PLCE1: variants seen among roughly 807,000 people sequenced by gnomAD.
The protein encoded by PLCE1 is phospholipase C epsilon 1.
Under a neutral mutation model 242.8 loss-of-function variants are expected in PLCE1, and 119 were observed. That is an observed-to-expected ratio of 0.49 (90% confidence interval 0.42 to 0.57). The LOEUF is 0.57. Among genes scored for constraint, PLCE1 ranks in the 20% least tolerant of loss-of-function variants. PLCE1 has a pLI of 0.00. For synonymous variants in PLCE1, 945 were observed against 1,017.4 expected (o/e 0.93, Z 1.35); for missense variants, 2,441 against 2,788.8 (o/e 0.88, Z 2.81).
At chr10:94,069,613 AAAACAAACAAAC>A (rs555901072) in intron 2 of PLCE1, among the ~76,000 whole-genome samples, 1 of 152,036 alleles carries the variant, frequency 6.6e-6, no homozygotes, top group Non-Finnish European at 1.5e-5. Flanking sequence ...ACTCTGTCTA[AAAACAAACAAAC>A]AAACAAACAA....
intron 2 of PLCE1, among the ~76,000 whole-genome samples, chr10:94,085,825 G>C (rs2044802461): frequency 6.6e-6 from 1 of 152,188 alleles, no homozygotes; most frequent in African/African-American, 2.4e-5. Flanking sequence ...GGCCTGGCCT[G>C]GAAGACAGAC....
chr10:94,195,516 G>T (rs570369836), intron 4 of PLCE1, among the ~76,000 whole-genome samples: 1 of 151,906 alleles, frequency 6.6e-6, no homozygotes, highest in Non-Finnish European at 1.5e-5. Flanking sequence ...TTTTTAAGAG[G>T]AATGATATGA....
At chr10:94,002,827 A>G (rs144185042) in intron 1 of PLCE1, among the ~76,000 whole-genome samples, 71 of 152,358 alleles carry the variant, frequency 4.7e-4, no homozygotes, top group Non-Finnish European at 9.8e-4. Context: ...ATCACATGAT[A>G]AATACATCAT....
chr10:94,232,161 G>A (rs2050166294), intron 5 of PLCE1, among the ~76,000 whole-genome samples: 1 of 152,206 alleles, frequency 6.6e-6, no homozygotes, highest in Non-Finnish European at 1.5e-5. Flanking sequence ...ATACACTAGG[G>A]CCTCAACCAC....
At chr10:94,214,739 A>G (rs921108915) in intron 4 of PLCE1, among the ~76,000 whole-genome samples, 2 of 152,158 alleles carry the variant, frequency 1.3e-5, no homozygotes, top group African/African-American at 2.4e-5. Flanking sequence ...ACCGCAAGTG[A>G]AAAAGTGACT....
chr10:94,140,162 A>G (rs1408032906), intron 3 of PLCE1, among the ~76,000 whole-genome samples: 1 of 152,170 alleles, frequency 6.6e-6, no homozygotes, highest in South Asian at 2.1e-4. Flanking sequence ...TAGCTATATT[A>G]AAGTTATTTA....
chr10:94,313,836 A>C (rs1369625499), intron 28 of PLCE1, among the ~76,000 whole-genome samples: 2 of 152,162 alleles, frequency 1.3e-5, no homozygotes, highest in Non-Finnish European at 2.9e-5. Flanking sequence ...TTAGAGCTTC[A>C]GGATGGGCCA....
intron 27 of PLCE1, 66 bp from the exon 28 acceptor site, chr10:94,313,188 G>C (rs2053444042): frequency 2.5e-6 from 4 of 1,587,058 alleles, no homozygotes; most frequent in Admixed American, 3.3e-5. Context: ...TAGCACCTCT[G>C]TATCAAATAG....
chr10:94,301,607 T>C (rs995322749), intron 24 of PLCE1, among the ~76,000 whole-genome samples: 3 of 152,138 alleles, frequency 2.0e-5, no homozygotes, highest in African/African-American at 7.2e-5. Context: ...CATGGACTTA[T>C]GGCCATCCCT....
At chr10:94,251,904 G>A (rs1293127479) in intron 8 of PLCE1, among the ~76,000 whole-genome samples, 1 of 152,114 alleles carries the variant, frequency 6.6e-6, no homozygotes, top group Non-Finnish European at 1.5e-5. Flanking sequence ...AACCTACCTG[G>A]CAATAATGGA....
chr10:94,303,207 G>A (rs769168468), intron 24 of PLCE1, among the ~76,000 whole-genome samples: 24 of 152,214 alleles, frequency 1.6e-4, no homozygotes, highest in African/African-American at 5.1e-4. Context: ...GCCCCAGGGC[G>A]TTTACTGCAC....
At chr10:94,144,727 C>G (rs74151069) in intron 3 of PLCE1, among the ~76,000 whole-genome samples, 3,329 of 152,110 alleles carry the variant, frequency 0.022, 101 homozygotes, top group African/African-American at 0.075. Flanking sequence ...GGCCCAGTGG[C>G]AGCAGGGAGT....
rs1200957651 is a variant in PLCE1, at chr10:94,254,874, C to G, written c.3398-19C>G. 1 of 1,613,378 alleles carries G rather than the reference C, an allele frequency of 6.2e-7. No homozygotes were observed. The highest frequency in any genetic ancestry group is 1.1e-5 in the South Asian group (1 of 91,070). Reference sequence around the variant, plus strand: ...TATAATCTGAGTCATTCTCTCTTTTCTGTCTTTCATCCTCACAGAGGTGAA... The same window carrying G: ...TATAATCTGAGTCATTCTCTCTTTTGTGTCTTTCATCCTCACAGAGGTGAA... On this transcript the variant is annotated intron_variant, in intron 10 of 32. Transcript: ENST00000371380.
intron 1 of PLCE1, among the ~76,000 whole-genome samples, chr10:94,000,248 T>C (rs1214421947): frequency 6.6e-6 from 1 of 152,236 alleles, no homozygotes; most frequent in Admixed American, 6.5e-5. Context: ...ACAAGAAATA[T>C]AACTGTATTT....
rs1472223808 is a variant in PLCE1 at position 94,298,606 on chromosome 10, C to G, written c.5395C>G (p.Pro1799Ala). ...PAATRIDSSN[P>A]NPLMFWLHGI... ...TGCCACCCGCATCGACTCTTCCAAC[C>G]CGAACCCCCTCATGTTCTGGCTCCA... The change falls in exon 24 of 33, where the codon CCG (proline) becomes GCG (alanine). Residue 1799 changes from proline to alanine, a missense_variant. Transcript: ENST00000371380. This position sits in a 1 kb window ranked among gnomAD's most constrained non-coding sequence, Gnocchi z 5.2. 13 of 1,614,058 alleles carry G rather than the reference C, an allele frequency of 8.1e-6. No individual in the cohort carries two copies. The highest frequency in any genetic ancestry group is 1.3e-5 in the African/African-American group (1 of 75,034).
intron 2 of PLCE1, among the ~76,000 whole-genome samples, chr10:94,055,409 G>T (rs1031553087): frequency 6.6e-6 from 1 of 151,196 alleles, no homozygotes; most frequent in South Asian, 2.1e-4. Flanking sequence ...CCCACCCCCC[G>T]GGTTCAAGTG....
In PLCE1 at chr10:94,203,813, G is replaced by A. The variant is rs573817476; in HGVS notation, c.1810-23493G>A. 2.2e-3 allele frequency among the ~76,000 whole-genome samples: 336 copies of A among 152,312 alleles called. 1 individual carries two copies. Among genetic ancestry groups the A allele is most frequent in the Non-Finnish European group, 3.9e-3 (267 of 68,030 alleles). ...TCCCTTCCCAAGAGGAGGACATAAAGGAAAGCATGCTGAGTGAATATCCAC... is the reference window on the plus strand; with the variant it reads ...TCCCTTCCCAAGAGGAGGACATAAAAGAAAGCATGCTGAGTGAATATCCAC... On this transcript the variant is annotated intron_variant, in intron 4 of 32. Coordinates refer to ENST00000371380, the MANE Select transcript of PLCE1 (RefSeq NM_016341.4).
intron 5 of PLCE1, among the ~76,000 whole-genome samples, chr10:94,231,685 G>A (rs1167005686): frequency 2.6e-5 from 4 of 151,960 alleles, no homozygotes; most frequent in Non-Finnish European, 5.9e-5. Context: ...CCACAGACTC[G>A]GGGTGTGGGG....
intron 1 of PLCE1, among the ~76,000 whole-genome samples, chr10:94,013,401 A>G (rs2061211794): frequency 1.3e-5 from 2 of 152,206 alleles, no homozygotes; most frequent in South Asian, 4.1e-4. Context: ...CTCCCTGCCA[A>G]GCACAATAAC....
Sources: allele counts gnomAD v4.1 joint callset (sites outside exome capture counted in the v4.1 genomes callset), GRCh38; gene constraint gnomAD v4.1.1; non-coding constraint Gnocchi (gnomAD v3.1); transcripts MANE v1.5; gene names NCBI Gene and HGNC (gene_info 2026-07-23, HGNC 2026-07-21).